Variants in SEL1L2 observed in about 807,000 individuals in gnomAD.
SEL1L2 encodes the protein SEL1L2 adaptor subunit of SYVN1 ubiquitin ligase.
In SEL1L2, 89 loss-of-function variants were observed where a neutral mutation model predicts 98.8. That is an observed-to-expected ratio of 0.90 (90% confidence interval 0.76 to 1.07). The LOEUF (loss-of-function observed/expected upper bound fraction) is 1.07, where lower values mean the gene tolerates loss of function less well. Ranked by LOEUF, SEL1L2 falls within the 50% of genes least tolerant of loss-of-function variation. The pLI, the probability that SEL1L2 is intolerant of heterozygous loss-of-function variation, is 0.00. For synonymous variants in SEL1L2, 262 were observed against 278.5 expected, an observed-to-expected ratio of 0.94 and a Z score of 0.59; for missense variants, 788 against 812.0, an observed-to-expected ratio of 0.97 and a Z score of 0.36.
At chr20:13,981,097 C>T (rs566167197) in intron 1 of SEL1L2, among the ~76,000 whole-genome samples, 3 of 152,108 alleles carry the variant, frequency 2.0e-5, no homozygotes, top group Admixed American at 2.0e-4. Context: ...ACAAAATTAG[C>T]GGGGCATGGT....
rs763082610 is a variant in SEL1L2, at chr20:13,870,143, G to A, written c.1165C>T (p.Leu389=). The change falls in exon 13 of 20, where the codon CTG becomes TTG. Residue 389 remains leucine (L), a splice_region_variant and synonymous_variant. Coordinates refer to ENST00000284951, the MANE Select transcript of SEL1L2 (RefSeq NM_025229.2). ...GATAATAAAATAATTTAACTTACCA[G>A]GGGAACTCCTTTTCCATGAAAGTAA... ...LLYFHGKGVP[L]NYAEALKYFQ... is the part of the protein sequence containing the mutation. The A allele has an allele frequency of 6.3e-7, 1 of 1,595,328 alleles. No homozygotes were observed.
At chr20:13,886,259 A>T (rs767871396) in intron 9 of SEL1L2, 29 bp downstream of exon 9, 1 of 1,543,892 alleles carries the variant, frequency 6.5e-7, no homozygotes, top group Non-Finnish European at 8.8e-7. Context: ...TTCATGTTCT[A>T]AAAACTCAAT....
At chr20:13,890,797 A>G (rs954183537) in intron 5 of SEL1L2, among the ~76,000 whole-genome samples, 1 of 152,202 alleles carries the variant, frequency 6.6e-6, no homozygotes, top group Non-Finnish European at 1.5e-5. Flanking sequence ...CATGAACACA[A>G]TGAGAATATC....
chr20:13,939,873 G>T (rs2148365871), intron 2 of SEL1L2, among the ~76,000 whole-genome samples: 1 of 152,172 alleles, frequency 6.6e-6, no homozygotes, highest in Non-Finnish European at 1.5e-5. Flanking sequence ...CGCCATGTTG[G>T]CCAGGCTGGT....
At chr20:13,909,098 T>G (rs1444564286) in intron 5 of SEL1L2, among the ~76,000 whole-genome samples, 1 of 149,420 alleles carries the variant, frequency 6.7e-6, no homozygotes, top group African/African-American at 2.6e-5. Flanking sequence ...CTCTCTTCTC[T>G]CAGTCTCGCT....
intron 17 of SEL1L2, 30 bp from the exon 18 acceptor site, chr20:13,859,464 A>G: frequency 6.3e-7 from 1 of 1,575,252 alleles, no homozygotes; most frequent in Non-Finnish European, 8.7e-7. Flanking sequence ...AAAAAGAATC[A>G]TAACTCAAAT....
chr20:13,964,192 A>G (rs1214976766), intron 1 of SEL1L2, among the ~76,000 whole-genome samples: 3 of 152,008 alleles, frequency 2.0e-5, no homozygotes, highest in African/African-American at 7.3e-5. Context: ...TAAATATTTA[A>G]ATGTCATCAA....
At chr20:13,869,717 G>A (rs1400071131) in intron 13 of SEL1L2, 127 bp from the exon 14 acceptor site, 3 of 627,850 alleles carry the variant, frequency 4.8e-6, no homozygotes, top group Non-Finnish European at 8.5e-6. Context: ...AATAGTATCA[G>A]AAACATTATA....
chr20:13,927,572 G>A (rs2048957426), intron 3 of SEL1L2, among the ~76,000 whole-genome samples: 1 of 152,112 alleles, frequency 6.6e-6, no homozygotes, highest in Non-Finnish European at 1.5e-5. Context: ...TGTGTTTTGT[G>A]AGCATTCCAT....
intron 18 of SEL1L2, chr20:13,851,544 C>CA (rs1555846343): frequency 6.8e-6 from 1 of 147,130 alleles, no homozygotes; most frequent in Non-Finnish European, 1.5e-5. Context: ...TTTTCAGGAG[C>CA]TTTTTTTTTT....
intron 5 of SEL1L2, among the ~76,000 whole-genome samples, chr20:13,907,700 C>CTTTCTCTTTCTTTCTT (rs1328913961): frequency 1.5e-4 from 19 of 125,654 alleles, no homozygotes; most frequent in African/African-American, 5.3e-4. Flanking sequence ...TTCTTTCTTT[C>CTTTCTCTTTCTTTCTT]TCTTTCTTTC....
intron 2 of SEL1L2, 124 bp from the exon 3 acceptor site, chr20:13,931,895 C>T: frequency 1.4e-6 from 1 of 718,990 alleles, no homozygotes; most frequent in Non-Finnish European, 2.1e-6. Context: ...TACTCTAATT[C>T]TTGCTTTTTT....
intron 3 of SEL1L2, among the ~76,000 whole-genome samples, chr20:13,926,698 C>G (rs893413847): frequency 2.6e-5 from 4 of 152,182 alleles, no homozygotes; most frequent in African/African-American, 9.7e-5. Flanking sequence ...TGAAGGGGGT[C>G]TGAACAGCAC....
At chr20:13,963,206 CA>C (rs1483326082) in intron 1 of SEL1L2, among the ~76,000 whole-genome samples, 5 of 151,512 alleles carry the variant, frequency 3.3e-5, no homozygotes, top group African/African-American at 1.2e-4. Context: ...AGTGTAGACT[CA>C]CCTCCTTTTT....
At chr20:13,884,974 C>T (rs758555600) in intron 10 of SEL1L2, among the ~76,000 whole-genome samples, 1 of 152,146 alleles carries the variant, frequency 6.6e-6, no homozygotes, top group Non-Finnish European at 1.5e-5. Context: ...GACTCCTTAA[C>T]GGTGATCCCC....
intron 2 of SEL1L2, among the ~76,000 whole-genome samples, chr20:13,935,982 T>A (rs1322808664): frequency 6.6e-6 from 1 of 152,152 alleles, no homozygotes; most frequent in African/African-American, 2.4e-5. Context: ...ATCATGTGAA[T>A]TTTAGTTTTT....
chr20:13,941,920 A>G (rs1444221511), intron 2 of SEL1L2, among the ~76,000 whole-genome samples: 1 of 152,174 alleles, frequency 6.6e-6, no homozygotes, highest in African/African-American at 2.4e-5. Context: ...ACAATCAAAG[A>G]CATTTCTTGT....
At chr20:13,896,096 A>G (rs866173195) in intron 5 of SEL1L2, among the ~76,000 whole-genome samples, 1 of 152,144 alleles carries the variant, frequency 6.6e-6, no homozygotes, top group African/African-American at 2.4e-5. Context: ...AATCATTTGA[A>G]CCTGGGAGGC....
At chr20:13,882,240 CT>C (rs1320334016) in intron 10 of SEL1L2, among the ~76,000 whole-genome samples, 2 of 152,172 alleles carry the variant, frequency 1.3e-5, no homozygotes, top group Non-Finnish European at 2.9e-5. Flanking sequence ...ATCTTTGTAT[CT>C]TCCCTCTCCC....
Sources: gnomAD v4.1 joint callset for allele counts (sites outside exome capture counted in the v4.1 genomes callset) on GRCh38, gnomAD v4.1.1 for gene constraint, MANE v1.5 for transcripts, NCBI Gene and HGNC (gene_info 2026-07-23, HGNC 2026-07-21) for gene names.